The following SFXN5 variants were observed in gnomAD, a reference collection of about 807,000 sequenced individuals.
SFXN5 encodes the protein sideroflexin-5.
Under a neutral mutation model 50.2 loss-of-function variants are expected in SFXN5, and 43 were observed. That is an observed-to-expected ratio of 0.86 (90% CI 0.67 to 1.11). The LOEUF (loss-of-function observed/expected upper bound fraction) is 1.11. Among genes scored for constraint, SFXN5 ranks in the 50% least tolerant of loss-of-function variants. SFXN5 has a pLI of 0.00. For missense variants in SFXN5, 463 were observed against 454.1 expected (o/e 1.02, Z -0.18); for synonymous variants, 203 against 185.8 (o/e 1.09, Z -0.75).
intron 6 of SFXN5, among the ~76,000 whole-genome samples, chr2:73,002,731 T>C (rs758649007): frequency 1.8e-4 from 27 of 152,226 alleles, no homozygotes; most frequent in Non-Finnish European, 3.4e-4. Context: ...AATAAAATTA[T>C]ATAATATAAA....
chr2:73,013,413 G>A (rs960967376), intron 6 of SFXN5, among the ~76,000 whole-genome samples: 5 of 150,164 alleles, frequency 3.3e-5, no homozygotes, highest in Non-Finnish European at 7.5e-5. Context: ...TTTCGTGTGT[G>A]TGTGTGTGTG....
chr2:73,043,729 A>C (rs1679943276), intron 2 of SFXN5, among the ~76,000 whole-genome samples: 1 of 152,198 alleles, frequency 6.6e-6, no homozygotes. Flanking sequence ...AAGTTAATTC[A>C]TGCTGTTTAA....
intron 1 of SFXN5, chr2:73,059,542 G>C (rs1363643168): frequency 3.1e-5 from 31 of 984,942 alleles, no homozygotes; most frequent in Non-Finnish European, 3.7e-5. Context: ...TCCCAATAAG[G>C]ACCCTGCAAT....
chr2:72,992,822 G>A lies in SFXN5; in HGVS notation c.535-4474C>T, dbSNP rs767265224. ...GTGAAGTCTGAAAACATGGCGACTT[G>A]CTTAAAGCCTTCGGTGACACTGGAG... On this transcript the variant is annotated intron_variant, in intron 9 of 13. Coordinates refer to ENST00000272433, the MANE Select transcript of SFXN5 (RefSeq NM_144579.3). This position sits in a 1 kb window ranked among gnomAD's most constrained non-coding sequence, Gnocchi z 4.5. Among the ~76,000 whole-genome samples the A allele has an allele frequency of 6.6e-6, 1 of 152,230 alleles. No individual in the cohort carries two copies. The highest frequency in any genetic ancestry group is 1.5e-5 in the Non-Finnish European group (1 of 68,050).
Position 72,961,235 on chromosome 2 carries a change from G to A in SFXN5, c.841C>T (p.Gln281Ter). The A allele has an allele frequency of 6.5e-7, 1 of 1,535,392 alleles. No individual in the cohort carries two copies. Among genetic ancestry groups the A allele is most frequent in the Non-Finnish European group, 8.7e-7 (1 of 1,149,168 alleles). ...GGGAGGAGCAGCCGGGGGCGTGCCTGCAGGAGAGCCGTCCTGTGAGGGAGA... is the reference window on the plus strand; with the variant it reads ...GGGAGGAGCAGCCGGGGGCGTGCCTACAGGAGAGCCGTCCTGTGAGGGAGA... ...MSMLEKTALL[Q>*]ARPRLLLPVQ... The change falls in exon 13 of 14, where the codon CAG becomes TAG. Residue 281 changes from glutamine (Q) to a stop codon, truncating the protein, a stop_gained. Transcript: ENST00000272433. LOFTEE classifies it high-confidence loss of function. The surrounding 1 kb of genome is among the most constrained non-coding windows in gnomAD (Gnocchi z 4.4).
rs996325437 is a variant in SFXN5, at chr2:72,942,996, G to A, written c.*2026C>T. The A allele has an allele frequency of 6.6e-6, 1 of 152,398 alleles. No homozygotes were observed. The allele number at this position is 152,398 out of a possible 1,614,324, so 9.4% of individuals were successfully genotyped here. The stretch of plus-strand genomic sequence containing the variant: ...TGCCAGCACCTAGTTCAGGCCTAGA[G>A]ACCAGCACAGCGCAGCAGTCACTGG... On this transcript the variant is annotated 3_prime_UTR_variant, in exon 14 of 14. Transcript: ENST00000272433.
chr2:72,976,900 C>A (rs1431946958), intron 10 of SFXN5, among the ~76,000 whole-genome samples: 1 of 152,136 alleles, frequency 6.6e-6, no homozygotes, highest in African/African-American at 2.4e-5. Flanking sequence ...AAACAAAGGG[C>A]TACTAATCTT....
In SFXN5 at chr2:73,071,684, C is replaced by T. The variant is rs1683641809; in HGVS notation, c.22G>A (p.Ala8Thr). The change falls in exon 1 of 14, where the codon GCA becomes ACA. Residue 8 changes from alanine (A) to threonine (T), a missense_variant. Physicochemically the swap from Ala to Thr is moderately conservative, Grantham distance 58. Coordinates refer to ENST00000272433, the MANE Select transcript of SFXN5 (RefSeq NM_144579.3). MADTATT[A>T]SAAAASAASA... ...GCGGCACTAGCCGCCGCCGCCGATGCTGTAGTCGCTGTATCCGCCATGGCC... is the reference window on the plus strand; with the variant it reads ...GCGGCACTAGCCGCCGCCGCCGATGTTGTAGTCGCTGTATCCGCCATGGCC... 1.2e-6 allele frequency: 2 copies of T among 1,613,018 alleles called. No individual in the cohort carries two copies. The highest frequency in any genetic ancestry group is 1.7e-6 in the Non-Finnish European group (2 of 1,179,866).
chr2:72,951,218 GCA>G (rs1672497522), intron 13 of SFXN5, among the ~76,000 whole-genome samples: 1 of 152,164 alleles, frequency 6.6e-6, no homozygotes. Context: ...GGCAGAACCT[GCA>G]CACCAGCTCC....
At chr2:73,027,006 C>T (rs982703404) in intron 3 of SFXN5, among the ~76,000 whole-genome samples, 12 of 152,078 alleles carry the variant, frequency 7.9e-5, no homozygotes, top group African/African-American at 2.2e-4. Flanking sequence ...GGATTACAGG[C>T]GTGAGCCACC....
chr2:73,068,340 C>T (rs541326106), intron 1 of SFXN5, among the ~76,000 whole-genome samples: 12 of 152,308 alleles, frequency 7.9e-5, no homozygotes, highest in East Asian at 7.7e-4. Context: ...CTATTACATG[C>T]CAGGGCAGGA....
In SFXN5 at chr2:72,943,554, A is replaced by T. The variant is rs907810711; in HGVS notation, c.*1468T>A. ...TTCCTGGTCTGCAAATGGGAGGGAG[A>T]TGGGAGCCAGCAGCAAGGGGCCTCT... On this transcript the variant is annotated 3_prime_UTR_variant, in exon 14 of 14. Coordinates refer to ENST00000272433, the MANE Select transcript of SFXN5 (RefSeq NM_144579.3). 6.5e-6 allele frequency: 1 copy of T among 152,882 alleles called. No individual in the cohort carries two copies. Among genetic ancestry groups the T allele is most frequent in the Non-Finnish European group, 1.5e-5 (1 of 68,272 alleles). 9.5% of individuals were successfully genotyped at this position (152,882 alleles called of 1,614,324 possible).
Position 72,972,327 on chromosome 2 carries a change from G to A in SFXN5, c.626-642C>T, listed in dbSNP as rs555145548. ...AGAGCAGAAAGGCTACAGTGCCTCT[G>A]CCTCTGAATACTCAGGGGGCAAGAG... is the stretch of plus-strand genomic sequence containing the variant. On this transcript the variant is annotated intron_variant, in intron 10 of 13. Coordinates refer to ENST00000272433, the MANE Select transcript of SFXN5 (RefSeq NM_144579.3). 6.6e-5 allele frequency among the ~76,000 whole-genome samples: 10 copies of A among 152,362 alleles called. No homozygotes were observed. In the South Asian group the frequency reaches 8.3e-4, roughly 13 times the overall value.
At chr2:72,966,501 A>C (rs1054294624) in intron 12 of SFXN5, among the ~76,000 whole-genome samples, 5 of 152,074 alleles carry the variant, frequency 3.3e-5, no homozygotes, top group African/African-American at 1.2e-4. Flanking sequence ...TCTGTTGCAA[A>C]CTTCCATACC....
At chr2:73,021,199 C>A (rs183489046) in intron 5 of SFXN5, among the ~76,000 whole-genome samples, 29 of 152,280 alleles carry the variant, frequency 1.9e-4, no homozygotes, top group Non-Finnish European at 1.9e-4. Context: ...GAAGCATCTA[C>A]AACCACAACT....
chr2:72,962,078 A>G (rs1262058590), intron 12 of SFXN5, among the ~76,000 whole-genome samples: 1 of 152,220 alleles, frequency 6.6e-6, no homozygotes, highest in Admixed American at 6.5e-5. Context: ...ATGTGCCTGC[A>G]CTGTGTTCAT....
chr2:73,035,539 A>C, intron 3 of SFXN5, among the ~76,000 whole-genome samples: 1 of 124,662 alleles, frequency 8.0e-6, no homozygotes, highest in Non-Finnish European at 1.6e-5. Flanking sequence ...TCACTCTGTC[A>C]CCCAGGCTGG....
rs201060996 is a variant in SFXN5, at chr2:72,945,118, G to C, written c.946-19C>G. 471 of 1,611,190 alleles carry C rather than the reference G, an allele frequency of 2.9e-4. 8 individuals are homozygous for C. In the South Asian group the frequency reaches 4.9e-3, roughly 17 times the overall value. On this transcript the variant is annotated intron_variant, in intron 13 of 13. Coordinates refer to ENST00000272433, the MANE Select transcript of SFXN5 (RefSeq NM_144579.3). The surrounding 1 kb of genome is among the most constrained non-coding windows in gnomAD (Gnocchi z 5.8). The stretch of plus-strand genomic sequence containing the variant: ...TTTCAATCTGTGGAGAGAGAACAGA[G>C]AGGAAAAGTGGGGGAGTGGGAAGGG...
intron 10 of SFXN5, among the ~76,000 whole-genome samples, chr2:72,977,236 C>G (rs1189004432): frequency 6.6e-6 from 1 of 152,212 alleles, no homozygotes; most frequent in African/African-American, 2.4e-5. Flanking sequence ...GGGAAGCACC[C>G]TGGATGCCCC....
Sources: allele counts gnomAD v4.1 joint callset (sites outside exome capture counted in the v4.1 genomes callset), GRCh38; gene constraint gnomAD v4.1.1; non-coding constraint Gnocchi (gnomAD v3.1); transcripts MANE v1.5; gene names NCBI Gene and HGNC (gene_info 2026-07-23, HGNC 2026-07-21).